CRTAC1: variants seen among roughly 807,000 people sequenced by gnomAD.
The protein encoded by CRTAC1 is acidic secreted protein in cartilage.
Under a neutral mutation model 67.8 loss-of-function variants are expected in CRTAC1, and 37 were observed. The ratio of observed to expected loss-of-function variants is 0.55; its 90% CI spans 0.42 to 0.72. CRTAC1 has a LOEUF of 0.72. CRTAC1 is among the 30% of genes least tolerant of loss of function. The probability of loss-of-function intolerance (pLI) is 0.00; values close to 1 mark genes in which losing one functional copy is unlikely to be tolerated. For synonymous variants in CRTAC1, 348 were observed against 371.0 expected (o/e 0.94, Z 0.71); for missense variants, 780 against 931.6 (o/e 0.84, Z 2.12).
chr10:98,005,815 T>G (rs1842778669), intron 2 of CRTAC1, among the ~76,000 whole-genome samples: 1 of 152,176 alleles, frequency 6.6e-6, no homozygotes, highest in Non-Finnish European at 1.5e-5. Flanking sequence ...TATATGATCA[T>G]GATTAATTTG....
chr10:97,997,235 T>C (rs1842598407), intron 2 of CRTAC1, among the ~76,000 whole-genome samples: 5 of 115,474 alleles, frequency 4.3e-5, no homozygotes, highest in Admixed American at 3.3e-4. Flanking sequence ...TAAAGTATAA[T>C]AATAATAATA....
At chr10:97,916,939 GA>G (rs1341950107) in intron 5 of CRTAC1, among the ~76,000 whole-genome samples, 8 of 150,966 alleles carry the variant, frequency 5.3e-5, no homozygotes, top group African/African-American at 2.0e-4. Context: ...CCAGAAAGAT[GA>G]GGGGAGAGCG....
intron 2 of CRTAC1, among the ~76,000 whole-genome samples, chr10:97,946,267 AG>A (rs1359142371): frequency 2.6e-5 from 4 of 152,248 alleles, no homozygotes; most frequent in Admixed American, 2.0e-4. Flanking sequence ...TCCAAACTGC[AG>A]GAACAGCAAA....
chr10:97,948,139 T>C (rs1179379855), intron 2 of CRTAC1, among the ~76,000 whole-genome samples: 1 of 148,004 alleles, frequency 6.8e-6, no homozygotes, highest in Non-Finnish European at 1.5e-5. Flanking sequence ...TCTGAGCTAA[T>C]GTGATTAGGT....
chr10:97,884,750 A>G (rs1309946301), intron 11 of CRTAC1, among the ~76,000 whole-genome samples: 1 of 152,196 alleles, frequency 6.6e-6, no homozygotes, highest in Non-Finnish European at 1.5e-5. Flanking sequence ...CTCACGTTCT[A>G]GCAGACAGGC....
At chr10:98,019,531 A>C (rs542016892) in intron 1 of CRTAC1, among the ~76,000 whole-genome samples, 186 of 152,278 alleles carry the variant, frequency 1.2e-3, no homozygotes, top group South Asian at 1.9e-3. Context: ...TCAGCCCAAA[A>C]TGTCAACAGT....
intron 2 of CRTAC1, among the ~76,000 whole-genome samples, chr10:97,981,422 TATG>T (rs1310105404): frequency 1.3e-5 from 2 of 152,246 alleles, no homozygotes; most frequent in African/African-American, 2.4e-5. Context: ...TTCCCTTAGT[TATG>T]ATATCATAAA....
At chr10:97,999,889 A>C (rs531815038) in intron 2 of CRTAC1, among the ~76,000 whole-genome samples, 1 of 152,204 alleles carries the variant, frequency 6.6e-6, no homozygotes, top group Non-Finnish European at 1.5e-5. Flanking sequence ...AGAGCGGCAG[A>C]GATGACTGAC....
chr10:98,002,351 T>A (rs1375530532), intron 2 of CRTAC1, among the ~76,000 whole-genome samples: 1 of 152,238 alleles, frequency 6.6e-6, no homozygotes, highest in Non-Finnish European at 1.5e-5. Context: ...TAAAATCCTT[T>A]TTTAAAAATA....
intron 1 of CRTAC1, among the ~76,000 whole-genome samples, chr10:98,025,415 C>A (rs751222463): frequency 1.3e-5 from 2 of 152,108 alleles, no homozygotes; most frequent in Non-Finnish European, 2.9e-5. Context: ...CAAAATAACC[C>A]CTCTAGTCAC....
intron 4 of CRTAC1, among the ~76,000 whole-genome samples, chr10:97,919,083 C>T (rs3793700): frequency 0.071 from 10,799 of 152,090 alleles, 476 homozygotes; most frequent in African/African-American, 0.12. Context: ...TGTGAGCCAC[C>T]GTGCTTGGCC....
At chr10:97,952,737 T>C (rs2051378184) in intron 2 of CRTAC1, among the ~76,000 whole-genome samples, 1 of 152,168 alleles carries the variant, frequency 6.6e-6, no homozygotes, top group African/African-American at 2.4e-5. Context: ...TGACACATGG[T>C]GCTTTGAGTC....
At chr10:97,990,641 A>G (rs1432091245) in intron 2 of CRTAC1, among the ~76,000 whole-genome samples, 1 of 152,200 alleles carries the variant, frequency 6.6e-6, no homozygotes, top group Admixed American at 6.5e-5. Flanking sequence ...CAAAGTAAGA[A>G]TTTCTTTAAT....
intron 2 of CRTAC1, among the ~76,000 whole-genome samples, chr10:97,940,331 C>T (rs905346066): frequency 6.6e-6 from 1 of 152,256 alleles, no homozygotes; most frequent in Non-Finnish European, 1.5e-5. Flanking sequence ...TGGGCTTACA[C>T]ACTTTCTCTC....
At chr10:97,934,729 G>A (rs2051055820) in intron 3 of CRTAC1, among the ~76,000 whole-genome samples, 1 of 152,102 alleles carries the variant, frequency 6.6e-6, no homozygotes, top group South Asian at 2.1e-4. Flanking sequence ...GCTCAAGTCT[G>A]AACCCCAGGG....
At chr10:97,894,089 T>A (rs2050416053) in intron 11 of CRTAC1, among the ~76,000 whole-genome samples, 1 of 152,236 alleles carries the variant, frequency 6.6e-6, no homozygotes, top group Admixed American at 6.5e-5. Flanking sequence ...TAAGTTTTCA[T>A]TCGTGTGAGA....
chr10:98,013,788 T>C (rs1842951040), intron 1 of CRTAC1, among the ~76,000 whole-genome samples: 1 of 152,258 alleles, frequency 6.6e-6, no homozygotes, highest in Non-Finnish European at 1.5e-5. Flanking sequence ...TTAAACATAT[T>C]TTGAACAAGA....
intron 2 of CRTAC1, among the ~76,000 whole-genome samples, chr10:97,950,810 G>C (rs2051343010): frequency 6.6e-6 from 1 of 152,216 alleles, no homozygotes; most frequent in African/African-American, 2.4e-5. Context: ...AGGAAGTCAA[G>C]ATGGACAAGA....
At chr10:97,949,755 G>C (rs2051322003) in intron 2 of CRTAC1, among the ~76,000 whole-genome samples, 1 of 152,220 alleles carries the variant, frequency 6.6e-6, no homozygotes, top group Non-Finnish European at 1.5e-5. Flanking sequence ...GGGTGCTCCT[G>C]GTCAAGCCAC....
Sources: allele counts gnomAD v4.1 joint callset (sites outside exome capture counted in the v4.1 genomes callset), GRCh38; gene constraint gnomAD v4.1.1; transcripts MANE v1.5; gene names NCBI Gene and HGNC (gene_info 2026-07-23, HGNC 2026-07-21).